The following C10orf67 variants were observed in gnomAD, a reference collection of about 807,000 sequenced individuals.
C10orf67 encodes the protein chromosome 10 open reading frame 67, also known as uncharacterized protein C10orf67, mitochondrial.
In C10orf67, 60 loss-of-function variants were observed where a neutral mutation model predicts 35.6. That is an observed-to-expected ratio of 1.68 (90% confidence interval 1.37 to 2.09). The LOEUF (loss-of-function observed/expected upper bound fraction) is 2.09, where lower values mean the gene tolerates loss of function less well. C10orf67 is among the 30% of genes most tolerant of loss of function. The pLI is 0.00. For missense variants in C10orf67, 474 were observed against 330.2 expected (o/e 1.44, Z -3.38); for synonymous variants, 167 against 115.8 (o/e 1.44, Z -2.84).
At chr10:23,292,430 TA>T (rs1233390359) in intron 5 of C10orf67, among the ~76,000 whole-genome samples, 2 of 152,166 alleles carry the variant, frequency 1.3e-5, no homozygotes, top group Non-Finnish European at 2.9e-5. Flanking sequence ...ACATTAAAAA[TA>T]CTTTTGATCT....
At position 23,344,129 on chromosome 10, in the gene C10orf67, G is replaced by A. The variant is rs552493573; in HGVS notation, c.206+440C>T. 1.1e-3 allele frequency: 203 copies of A among 182,916 alleles called. 1 individual carries two copies. Among genetic ancestry groups the A allele is most frequent in the African/African-American group, 5.8e-3 (198 of 34,032 alleles). The allele number at this position is 182,916 out of a possible 1,614,324, so 11.3% of individuals were successfully genotyped here. ...CGCGGGAATCCGTGGGCGGGGGCCG[G>A]GGAGGGCCGCGAGTGGAGGGGGGTG... On this transcript the variant is annotated intron_variant, in intron 1 of 15. Coordinates refer to ENST00000636213, the MANE Select transcript of C10orf67 (RefSeq NM_001371909.1).
intron 2 of C10orf67, among the ~76,000 whole-genome samples, chr10:23,327,272 A>T (rs1845238068): frequency 6.6e-6 from 1 of 152,148 alleles, no homozygotes; most frequent in Non-Finnish European, 1.5e-5. Context: ...CAGTAGTCAA[A>T]ATTAATACTA....
At chr10:23,264,336 A>G (rs1056808402) in intron 10 of C10orf67, among the ~76,000 whole-genome samples, 7 of 152,154 alleles carry the variant, frequency 4.6e-5, no homozygotes, top group African/African-American at 1.4e-4. Context: ...TTTAAAATTG[A>G]GCCAATTCAT....
chr10:23,254,022 T>C (rs1251070815), intron 10 of C10orf67, among the ~76,000 whole-genome samples: 1 of 152,216 alleles, frequency 6.6e-6, no homozygotes, highest in Non-Finnish European at 1.5e-5. Flanking sequence ...GACATTCCAC[T>C]TTCTCTGGAA....
At chr10:23,329,849 C>T (rs538460733) in intron 2 of C10orf67, among the ~76,000 whole-genome samples, 22 of 146,586 alleles carry the variant, frequency 1.5e-4, no homozygotes, top group African/African-American at 3.3e-4. Flanking sequence ...AGGGCAATCT[C>T]GCTTAAAACA....
Position 23,203,846 on chromosome 10 carries a change from G to A in C10orf67, c.*327C>T, listed in dbSNP as rs1268343928. 4.8e-6 allele frequency: 1 copy of A among 208,636 alleles called. No homozygotes were observed. The highest frequency in any genetic ancestry group is 9.4e-6 in the Non-Finnish European group (1 of 105,892). 12.9% of individuals were successfully genotyped at this position (208,636 alleles called of 1,614,324 possible). A position where few individuals can be genotyped will look rare whatever the true frequency, so the allele number is the denominator to read the frequency against. On this transcript the variant is annotated 3_prime_UTR_variant, in exon 16 of 16. Transcript: ENST00000636213. ...GAGGGAGTCAAACTTTTTAATTAAA[G>A]TCCGTCCCTTCCCACTCTTAGACGC...
intron 15 of C10orf67, among the ~76,000 whole-genome samples, chr10:23,211,181 C>G (rs1588574109): frequency 6.6e-6 from 1 of 152,104 alleles, no homozygotes; most frequent in East Asian, 1.9e-4. Context: ...GGGTGGAATC[C>G]TTCCTTGCCT....
At chr10:23,302,571 T>C (rs999378602) in intron 5 of C10orf67, among the ~76,000 whole-genome samples, 1 of 152,202 alleles carries the variant, frequency 6.6e-6, no homozygotes, top group Admixed American at 6.5e-5. Context: ...AATCAAACAA[T>C]CAGCTTCTTG....
chr10:23,205,463 CT>C (rs1564452489), intron 15 of C10orf67, among the ~76,000 whole-genome samples: 5 of 152,146 alleles, frequency 3.3e-5, no homozygotes. Context: ...AATGAAATTT[CT>C]TTTTATAAAA....
intron 10 of C10orf67, among the ~76,000 whole-genome samples, chr10:23,251,183 A>C (rs1309547471): frequency 6.6e-6 from 1 of 152,192 alleles, no homozygotes; most frequent in Non-Finnish European, 1.5e-5. Flanking sequence ...CCATGCCTCT[A>C]TTTCCCGTAA....
At chr10:23,269,660 T>A (rs1481441081) in intron 8 of C10orf67, among the ~76,000 whole-genome samples, 1 of 151,650 alleles carries the variant, frequency 6.6e-6, no homozygotes, top group Admixed American at 6.6e-5. Context: ...CACTTAAATA[T>A]AAATATACTG....
intron 8 of C10orf67, among the ~76,000 whole-genome samples, chr10:23,279,463 T>C (rs111916952): frequency 1.3e-3 from 194 of 152,348 alleles, no homozygotes; most frequent in African/African-American, 4.5e-3. Context: ...GTCAGGAACC[T>C]AGTTGTGGGA....
At chr10:23,250,931 C>T (rs942158134) in intron 10 of C10orf67, among the ~76,000 whole-genome samples, 2 of 151,958 alleles carry the variant, frequency 1.3e-5, no homozygotes, top group Non-Finnish European at 2.9e-5. Flanking sequence ...GACCTTGTCT[C>T]TACAAAAAAT....
chr10:23,291,909 T>C (rs892799178), intron 5 of C10orf67, among the ~76,000 whole-genome samples: 3 of 152,166 alleles, frequency 2.0e-5, no homozygotes, highest in Admixed American at 2.0e-4. Flanking sequence ...TGGCTTTGCA[T>C]GCTTGTCACA....
At chr10:23,251,618 C>T (rs548649843) in intron 10 of C10orf67, among the ~76,000 whole-genome samples, 20 of 152,274 alleles carry the variant, frequency 1.3e-4, no homozygotes, top group African/African-American at 4.6e-4. Context: ...TCTTCTGTCT[C>T]TTCATAAGGC....
rs180942620 is a variant in C10orf67, at chr10:23,309,992, G to T, written c.547-6533C>A. On this transcript the variant is annotated intron_variant, in intron 4 of 15. Transcript: ENST00000636213. ...AATGGTTGTAAGGTCCAAATACAAT[G>T]AATTCATTTTTCTTCATCTCCTGGA... Among the ~76,000 whole-genome samples, 121 of 152,260 alleles carry T rather than the reference G, an allele frequency of 7.9e-4. 2 individuals are homozygous for T. The highest frequency in any genetic ancestry group is 3.1e-3 in the Admixed American group (48 of 15,290).
chr10:23,228,121 C>G lies in C10orf67; in HGVS notation c.1435-4303G>C, dbSNP rs540659453. ...GTTCATATGGAACCAAAAAAGAGCC[C>G]TCATTGCCAAGACAATCCTAAGCCA... On this transcript the variant is annotated intron_variant, in intron 13 of 15. Coordinates refer to ENST00000636213, the MANE Select transcript of C10orf67 (RefSeq NM_001371909.1). Among the ~76,000 whole-genome samples, 519 of 152,258 alleles carry G rather than the reference C, an allele frequency of 3.4e-3. 2 individuals are homozygous for G. The highest frequency in any genetic ancestry group is 0.012 in the African/African-American group (486 of 41,552).
At chr10:23,210,461 C>A (rs1267575480) in intron 15 of C10orf67, among the ~76,000 whole-genome samples, 1 of 152,084 alleles carries the variant, frequency 6.6e-6, no homozygotes, top group African/African-American at 2.4e-5. Flanking sequence ...GCCCTGTCAC[C>A]CAAGCTGGAG....
At chr10:23,230,749 A>C (rs2132121389) in intron 13 of C10orf67, among the ~76,000 whole-genome samples, 1 of 152,040 alleles carries the variant, frequency 6.6e-6, no homozygotes, top group East Asian at 1.9e-4. Context: ...TTATAAACAC[A>C]CACATACACG....
Sources: gnomAD v4.1 joint callset for allele counts (sites outside exome capture counted in the v4.1 genomes callset) on GRCh38, gnomAD v4.1.1 for gene constraint, MANE v1.5 for transcripts, NCBI Gene and HGNC (gene_info 2026-07-23, HGNC 2026-07-21) for gene names.